OCM: variants seen among roughly 807,000 people sequenced by gnomAD.
OCM encodes the protein oncomodulin-1.
Under a neutral mutation model 14.1 loss-of-function variants are expected in OCM, and 18 were observed. The ratio of observed to expected loss-of-function variants is 1.28; its 90% CI spans 0.88 to 1.89. The LOEUF is 1.89. Among genes scored for constraint, OCM ranks in the 40% most tolerant of loss-of-function variants. OCM has a pLI of 0.00. For synonymous variants in OCM, 48 were observed against 51.0 expected (o/e 0.94, Z 0.25); for missense variants, 140 against 137.6 (o/e 1.02, Z -0.09).
intron 3 of OCM, among the ~76,000 whole-genome samples, chr7:5,885,143 C>G (rs7778165): frequency 0.23 from 34,149 of 149,680 alleles, 5,871 homozygotes; most frequent in African/African-American, 0.48. Flanking sequence ...AAAACATAAC[C>G]ATGAAGGATT....
At chr7:5,868,739 G>C in the OCM span, among the ~76,000 whole-genome samples, 1 of 152,056 alleles carries the variant, frequency 6.6e-6, no homozygotes, top group Non-Finnish European at 1.5e-5. Flanking sequence ...ACAGCTCTGG[G>C]CTACCCAGAA....
chr7:5,882,966 C>T (rs577829913), intron 2 of OCM, among the ~76,000 whole-genome samples: 29 of 151,876 alleles, frequency 1.9e-4, no homozygotes, highest in African/African-American at 6.3e-4. Context: ...CCTCAGTCTC[C>T]CAAGTGGCTG....
chr7:5,883,957 G>A lies in OCM; in HGVS notation c.262G>A (p.Ala88Thr). The A allele has an allele frequency of 1.2e-6, 2 of 1,613,484 alleles. No individual in the cohort carries two copies. Among genetic ancestry groups the A allele is most frequent in the Non-Finnish European group, 1.7e-6 (2 of 1,179,692 alleles). Residue 88 changes from alanine to threonine, a missense_variant, in exon 3 of 4, where the codon GCT (alanine) becomes ACT (threonine). By Grantham distance (58) the Ala-to-Thr change is moderately conservative. Coordinates refer to ENST00000242104, the MANE Select transcript of OCM (RefSeq NM_001097622.2). ...LTESETKSLM[A>T]AADNDGDGKI... ...CGAGTCAGAAACCAAGTCCTTGATG[G>A]CTGCGGCGGATAATGATGGAGATGG...
the OCM span, among the ~76,000 whole-genome samples, chr7:5,868,086 T>C: frequency 6.6e-6 from 1 of 151,616 alleles, no homozygotes; most frequent in Non-Finnish European, 1.5e-5. Flanking sequence ...TTTTCTTCGG[T>C]GTCTAATTTG....
At chr7:5,864,862 C>T in the OCM span, among the ~76,000 whole-genome samples, 1 of 151,940 alleles carries the variant, frequency 6.6e-6, no homozygotes, top group Non-Finnish European at 1.5e-5. Context: ...TGCTTGAACC[C>T]GGGAGGCGGA....
chr7:5,885,368 ATC>A (rs974052005), intron 3 of OCM, among the ~76,000 whole-genome samples: 3 of 151,974 alleles, frequency 2.0e-5, no homozygotes, highest in African/African-American at 7.3e-5. Flanking sequence ...GAGAAAGAAA[ATC>A]TCCCCTTCCT....
the OCM span, among the ~76,000 whole-genome samples, chr7:5,866,141 C>T: frequency 6.7e-6 from 1 of 150,174 alleles, no homozygotes; most frequent in South Asian, 2.1e-4. Flanking sequence ...GGCAACATAG[C>T]AAAACCCCAG....
chr7:5,885,883 A>G (rs913441573), intron 3 of OCM, among the ~76,000 whole-genome samples, 181 bp from the exon 4 acceptor site: 4 of 152,182 alleles, frequency 2.6e-5, no homozygotes, highest in African/African-American at 9.7e-5. Flanking sequence ...TGCTGGGATT[A>G]CAGGCATGAG....
chr7:5,884,569 A>G (rs1485798783), intron 3 of OCM, among the ~76,000 whole-genome samples: 1 of 152,106 alleles, frequency 6.6e-6, no homozygotes, highest in Non-Finnish European at 1.5e-5. Context: ...ATACACTAGC[A>G]CAGCTGTAGG....
chr7:5,865,045 G>A, the OCM span, among the ~76,000 whole-genome samples: 4 of 152,296 alleles, frequency 2.6e-5, no homozygotes, highest in South Asian at 2.1e-4. Flanking sequence ...GGCAGCAGCT[G>A]TAGTTTGATA....
At chr7:5,883,779 A>G in intron 2 of OCM, 111 bp from the exon 3 acceptor site, 1 of 1,294,360 alleles carries the variant, frequency 7.7e-7, no homozygotes, top group Non-Finnish European at 1.1e-6. Context: ...GACCTTGGTT[A>G]ATTATTGCCG....
At chr7:5,866,315 G>C in the OCM span, among the ~76,000 whole-genome samples, 10 of 138,552 alleles carry the variant, frequency 7.2e-5, no homozygotes, top group South Asian at 1.7e-3. Flanking sequence ...AACAGAGTGA[G>C]ATGAAGGACA....
chr7:5,860,313 ATGCC>A, the OCM span, among the ~76,000 whole-genome samples: 4,659 of 149,940 alleles, frequency 0.031, 110 homozygotes, highest in Non-Finnish European at 0.045. Flanking sequence ...CATTTCACAC[ATGCC>A]TAAGCAGTTT....
Position 5,886,339 on chromosome 7 carries a change from C to A in OCM, c.*250C>A, listed in dbSNP as rs185714282. ...CAACAGGCAATGCCTCTAAAAATCACCCAATAAAGACAGGCTTCTCATCAT... is the reference window on the plus strand; with the variant it reads ...CAACAGGCAATGCCTCTAAAAATCAACCAATAAAGACAGGCTTCTCATCAT... On this transcript the variant is annotated 3_prime_UTR_variant, in exon 4 of 4. Transcript: ENST00000242104. 94 of 515,056 alleles carry A rather than the reference C, an allele frequency of 1.8e-4. No individual in the cohort carries two copies. In the East Asian group the frequency reaches 2.9e-3, roughly 16 times the overall value. 31.9% of individuals were successfully genotyped at this position (515,056 alleles called of 1,614,324 possible). A position where few individuals can be genotyped will look rare whatever the true frequency, so the allele number is the denominator to read the frequency against.
rs557832312 is a variant in OCM, at chr7:5,884,133, T to A, written c.304+134T>A. The A allele has an allele frequency of 2.7e-4, 303 of 1,124,148 alleles. No homozygotes were observed. The African/African-American group carries it at 4.0e-3, about 15-fold the overall frequency. The allele number at this position is 1,124,148 out of a possible 1,614,324, so 69.6% of individuals were successfully genotyped here. On this transcript the variant is annotated intron_variant, in intron 3 of 3. Transcript: ENST00000242104. Reference sequence around the variant, plus strand: ...CTTACCGAGCCTCAGTCTTCTCATCTGTAAAATGGGACTAAAGTAAGGATG... The same window carrying A: ...CTTACCGAGCCTCAGTCTTCTCATCAGTAAAATGGGACTAAAGTAAGGATG...
In OCM at chr7:5,880,968, C is replaced by A; in HGVS notation, c.61+18C>A. The A allele has an allele frequency of 2.1e-6, 2 of 932,472 alleles. No individual in the cohort carries two copies. The highest frequency in any genetic ancestry group is 3.5e-6 in the Non-Finnish European group (2 of 574,872). 57.8% of individuals were successfully genotyped at this position (932,472 alleles called of 1,614,324 possible). The stretch of plus-strand genomic sequence containing the variant: ...ATGCCGAGGTAGAGGGGACGTGAGG[C>A]GGGGGTGGGATTTCCTCACAGCTTT... On this transcript the variant is annotated intron_variant, in intron 1 of 3. Coordinates refer to ENST00000242104, the MANE Select transcript of OCM (RefSeq NM_001097622.2).
At chr7:5,873,823 C>T in the OCM span, among the ~76,000 whole-genome samples, 3 of 151,978 alleles carry the variant, frequency 2.0e-5, no homozygotes, top group African/African-American at 4.8e-5. Context: ...GAAGTGATGT[C>T]TGTTGAGAGA....
At chr7:5,868,484 A>G in the OCM span, among the ~76,000 whole-genome samples, 2 of 152,012 alleles carry the variant, frequency 1.3e-5, no homozygotes, top group South Asian at 2.1e-4. Flanking sequence ...TCCCCCAACA[A>G]TGCTCTAGTG....
chr7:5,877,242 T>C (rs1198726783), upstream of OCM, among the ~76,000 whole-genome samples: 2 of 151,922 alleles, frequency 1.3e-5, no homozygotes, highest in African/African-American at 4.8e-5. Context: ...GCAGGGTGGA[T>C]CACTTGAGTC....
Sources: gnomAD v4.1 joint callset for allele counts (sites outside exome capture counted in the v4.1 genomes callset) on GRCh38, gnomAD v4.1.1 for gene constraint, MANE v1.5 for transcripts, NCBI Gene and HGNC (gene_info 2026-07-23, HGNC 2026-07-21) for gene names.